The following PPP1R9A variants were observed in gnomAD, a reference collection of about 807,000 sequenced individuals.
PPP1R9A encodes the protein neurabin-1.
In PPP1R9A, 59 loss-of-function variants were observed where a neutral mutation model predicts 141.9. The ratio of observed to expected loss-of-function variants is 0.42; its 90% CI spans 0.34 to 0.52. The LOEUF (loss-of-function observed/expected upper bound fraction) is 0.52, where lower values mean the gene tolerates loss of function less well. Among genes scored for constraint, PPP1R9A ranks in the 20% least tolerant of loss-of-function variants. The pLI, the probability that PPP1R9A is intolerant of heterozygous loss-of-function variation, is 0.10. For synonymous variants in PPP1R9A, 500 were observed against 569.7 expected (o/e 0.88, Z 1.74); for missense variants, 1,444 against 1,611.9 (o/e 0.90, Z 1.78).
intron 2 of PPP1R9A, among the ~76,000 whole-genome samples, chr7:95,018,937 A>T (rs574293094): frequency 1.4e-3 from 218 of 152,328 alleles, no homozygotes; most frequent in Non-Finnish European, 2.2e-3. Context: ...GGTTCTTGAC[A>T]TTACCAAGGT....
At chr7:95,044,788 G>A (rs1193900610) in intron 2 of PPP1R9A, among the ~76,000 whole-genome samples, 2 of 150,480 alleles carry the variant, frequency 1.3e-5, no homozygotes, top group East Asian at 3.9e-4. Context: ...GTCCAACCTG[G>A]TCTGGAATGC....
chr7:95,036,970 G>A (rs376939021), intron 2 of PPP1R9A: 19 of 152,220 alleles, frequency 1.2e-4, no homozygotes, highest in East Asian at 1.2e-3. Context: ...TGCTGCTGTC[G>A]TTCATACACA....
At chr7:95,170,537 A>G (rs896384986) in intron 5 of PPP1R9A, among the ~76,000 whole-genome samples, 1 of 151,644 alleles carries the variant, frequency 6.6e-6, no homozygotes, top group African/African-American at 2.4e-5. Context: ...ATGAGAATAC[A>G]GTAGACTTTG....
chr7:95,052,334 A>T (rs1182716270), intron 2 of PPP1R9A, among the ~76,000 whole-genome samples: 1 of 152,146 alleles, frequency 6.6e-6, no homozygotes, highest in Admixed American at 6.6e-5. Context: ...CATATAAGAG[A>T]TTATGATGGC....
At chr7:94,988,695 C>G (rs1012005957) in intron 2 of PPP1R9A, among the ~76,000 whole-genome samples, 1 of 151,966 alleles carries the variant, frequency 6.6e-6, no homozygotes, top group African/African-American at 2.4e-5. Context: ...AGTTATGAGT[C>G]AAAATATATG....
At chr7:95,033,715 A>G (rs188599674) in intron 2 of PPP1R9A, among the ~76,000 whole-genome samples, 32 of 150,582 alleles carry the variant, frequency 2.1e-4, no homozygotes, top group South Asian at 2.1e-3. Context: ...ATCCAATTCC[A>G]TTTTTTTTTC....
intron 4 of PPP1R9A, among the ~76,000 whole-genome samples, chr7:95,136,128 A>T (rs1825624897): frequency 6.6e-6 from 1 of 152,164 alleles, no homozygotes; most frequent in South Asian, 2.1e-4. Flanking sequence ...TATATTGAGT[A>T]CTTGTTAATT....
At chr7:95,051,775 A>G (rs771189768) in intron 2 of PPP1R9A, among the ~76,000 whole-genome samples, 2 of 152,152 alleles carry the variant, frequency 1.3e-5, no homozygotes, top group Non-Finnish European at 2.9e-5. Context: ...AAAAAAAGTC[A>G]GCCATGACCA....
intron 16 of PPP1R9A, among the ~76,000 whole-genome samples, chr7:95,279,472 C>A (rs536652286): frequency 2.0e-5 from 3 of 152,160 alleles, no homozygotes; most frequent in Admixed American, 2.0e-4. Flanking sequence ...CCTAGTAGAT[C>A]GGACTTATTC....
At chr7:95,187,755 GTTGACCCAA>G (rs1451682654) in intron 5 of PPP1R9A, among the ~76,000 whole-genome samples, 1 of 151,990 alleles carries the variant, frequency 6.6e-6, no homozygotes, top group African/African-American at 2.4e-5. Flanking sequence ...TGATTTCATT[GTTGACCCAA>G]AGATCATTCA....
chr7:94,939,462 T>C (rs921904090), intron 2 of PPP1R9A, among the ~76,000 whole-genome samples: 1 of 152,074 alleles, frequency 6.6e-6, no homozygotes, highest in Non-Finnish European at 1.5e-5. Context: ...CCCCTTTTTA[T>C]TTTCTTTCTT....
chr7:94,986,165 T>C (rs1005805163), intron 2 of PPP1R9A, among the ~76,000 whole-genome samples: 5 of 152,210 alleles, frequency 3.3e-5, no homozygotes, highest in Non-Finnish European at 5.9e-5. Context: ...ACCATTATTT[T>C]CTTTTTAGTT....
chr7:95,214,991 C>CT (rs1292055922), intron 7 of PPP1R9A, among the ~76,000 whole-genome samples: 1 of 151,446 alleles, frequency 6.6e-6, no homozygotes, highest in African/African-American at 2.4e-5. Context: ...TATATATAAA[C>CT]TTTAAGTTCT....
intron 2 of PPP1R9A, among the ~76,000 whole-genome samples, chr7:95,000,927 G>A (rs1413846779): frequency 6.6e-6 from 1 of 152,120 alleles, no homozygotes; most frequent in Non-Finnish European, 1.5e-5. Flanking sequence ...GTATTTAGTG[G>A]GAAAATGTCA....
At chr7:95,119,956 T>A (rs1421356945) in intron 3 of PPP1R9A, among the ~76,000 whole-genome samples, 1 of 37,536 alleles carries the variant, frequency 2.7e-5, no homozygotes, top group East Asian at 6.1e-4. Context: ...ATACTATCTT[T>A]TTTTTTTTTT....
intron 2 of PPP1R9A, among the ~76,000 whole-genome samples, chr7:94,939,611 A>T (rs1338262926): frequency 1.3e-5 from 2 of 152,104 alleles, no homozygotes; most frequent in Admixed American, 6.6e-5. Flanking sequence ...CAGACTAAGC[A>T]TACAAATTAT....
chr7:95,284,685 A>G (rs1353289503), intron 17 of PPP1R9A, among the ~76,000 whole-genome samples: 1 of 152,232 alleles, frequency 6.6e-6, no homozygotes, highest in Non-Finnish European at 1.5e-5. Context: ...ACCAATGATG[A>G]CATAGCATCC....
At position 95,120,716 on chromosome 7, in the gene PPP1R9A, G is replaced by C. The variant is rs1822420338; in HGVS notation, c.1533G>C (p.Glu511Asp). Residue 511 changes from glutamate (E) to aspartate (D), a missense_variant, in exon 4 of 20, where the codon GAG (glutamate) becomes GAC (aspartate). By Grantham distance (45) the Glu-to-Asp change is conservative (BLOSUM62 2). Transcript: ENST00000433360. ...ELFPVELEKD[E>D]DGLGISIIGM... Reference sequence around the variant, plus strand: ...CCCTTTTTTTCTTTTTAATAGATGAGGATGGTCTTGGTATAAGTATTATTG... The same window carrying C: ...CCCTTTTTTTCTTTTTAATAGATGACGATGGTCTTGGTATAAGTATTATTG... 1 of 1,611,664 alleles carries C rather than the reference G, an allele frequency of 6.2e-7. No individual in the cohort carries two copies. The highest frequency in any genetic ancestry group is 8.5e-7 in the Non-Finnish European group (1 of 1,178,972).
At chr7:95,261,175 C>T (rs181680071) in intron 12 of PPP1R9A, among the ~76,000 whole-genome samples, 67 of 152,196 alleles carry the variant, frequency 4.4e-4, no homozygotes, top group African/African-American at 1.6e-3. Flanking sequence ...ACAGTGTTCA[C>T]GTAAGATATC....
Sources: allele counts gnomAD v4.1 joint callset (sites outside exome capture counted in the v4.1 genomes callset), GRCh38; gene constraint gnomAD v4.1.1; transcripts MANE v1.5; gene names NCBI Gene and HGNC (gene_info 2026-07-23, HGNC 2026-07-21).